TRPM3: variants seen among roughly 807,000 people sequenced by gnomAD.
The protein encoded by TRPM3 is transient receptor potential cation channel subfamily M member 3.
Under a neutral mutation model 181.2 loss-of-function variants are expected in TRPM3, and 77 were observed. The ratio of observed to expected loss-of-function variants is 0.42; its 90% CI spans 0.35 to 0.51. The LOEUF (loss-of-function observed/expected upper bound fraction) is 0.51. TRPM3 is among the 20% of genes least tolerant of loss of function. The pLI is 0.01. For missense variants in TRPM3, 1,759 were observed against 2,196.7 expected (o/e 0.80, Z 3.98); for synonymous variants, 745 against 796.4 (o/e 0.94, Z 1.09).
intron 9 of TRPM3, among the ~76,000 whole-genome samples, chr9:70,648,814 C>T (rs1279724232): frequency 1.3e-5 from 2 of 152,076 alleles, no homozygotes; most frequent in African/African-American, 2.4e-5. Flanking sequence ...AAACTGGACC[C>T]CTTCGTTTCA....
intron 1 of TRPM3, among the ~76,000 whole-genome samples, chr9:71,408,015 T>G (rs2093470255): frequency 1.3e-5 from 2 of 152,224 alleles, no homozygotes; most frequent in African/African-American, 4.8e-5. Context: ...TGGTCCTGAC[T>G]GTTAGAAGGA....
chr9:70,794,917 C>T (rs1348157136), intron 6 of TRPM3, among the ~76,000 whole-genome samples: 1 of 152,136 alleles, frequency 6.6e-6, no homozygotes, highest in Non-Finnish European at 1.5e-5. Flanking sequence ...ACATCTGTGG[C>T]CTCAACTAAC....
intron 21 of TRPM3, among the ~76,000 whole-genome samples, chr9:70,593,373 T>C (rs1239625841): frequency 6.6e-6 from 1 of 152,222 alleles, no homozygotes; most frequent in Non-Finnish European, 1.5e-5. Context: ...TCATCATTTA[T>C]TTACAAAAAG....
At chr9:70,747,777 A>T (rs1038109874) in intron 8 of TRPM3, among the ~76,000 whole-genome samples, 11 of 152,002 alleles carry the variant, frequency 7.2e-5, no homozygotes, top group Non-Finnish European at 1.5e-4. Flanking sequence ...CAACCCCTGC[A>T]GTGTGTAGGA....
intron 1 of TRPM3, among the ~76,000 whole-genome samples, chr9:71,154,372 C>T (rs73647953): frequency 0.038 from 5,717 of 152,112 alleles, 364 homozygotes; most frequent in African/African-American, 0.13. Flanking sequence ...AGCTAGGAGG[C>T]AAGTCTTTTT....
intron 7 of TRPM3, chr9:70,776,599 T>A: frequency 1.8e-6 from 1 of 552,958 alleles, no homozygotes; most frequent in Non-Finnish European, 3.2e-6. Context: ...CCTGTCAAAA[T>A]GAGTATTTTT....
chr9:70,876,654 C>T (rs1352843763), intron 1 of TRPM3, among the ~76,000 whole-genome samples: 1 of 151,840 alleles, frequency 6.6e-6, no homozygotes, highest in Non-Finnish European at 1.5e-5. Context: ...CCATCTCACC[C>T]TTACACTCAT....
Position 70,846,565 on chromosome 9 carries a change from T to A in TRPM3, c.489A>T (p.Lys163Asn), listed in dbSNP as rs2132074632. Reference protein sequence around the residue: ...AMYVRVSFDTKPDLLLHLMTK... With the variant: ...AMYVRVSFDTNPDLLLHLMTK... ...TCATCAGGTGTAAGAGGAGATCAGG[T>A]TTTGTATCAAAAGATACTCGCACAT... The change falls in exon 4 of 26, where the codon AAA (lysine) becomes AAT (asparagine). Residue 163 changes from lysine (K) to asparagine (N), a missense_variant. By Grantham distance (94) the Lys-to-Asn change is moderately conservative. Around this residue, in one of 8 missense-constraint regions of TRPM3, gnomAD observed 737 missense variants for 957.4 expected, o/e 0.77. Coordinates refer to ENST00000677713, the MANE Select transcript of TRPM3 (RefSeq NM_001366145.2). 1 of 1,614,080 alleles carries A rather than the reference T, an allele frequency of 6.2e-7. No homozygotes were observed. Among genetic ancestry groups the A allele is most frequent in the East Asian group, 2.2e-5 (1 of 44,880 alleles).
chr9:70,650,726 C>A (rs545792758), intron 9 of TRPM3, among the ~76,000 whole-genome samples: 1 of 151,980 alleles, frequency 6.6e-6, no homozygotes, highest in African/African-American at 2.4e-5. Context: ...CATTTCTATC[C>A]TCTGTGTCCT....
chr9:70,610,793 G>C (rs1411371918), intron 18 of TRPM3, 44 bp from the exon 19 acceptor site: 1 of 1,607,366 alleles, frequency 6.2e-7, no homozygotes, highest in Non-Finnish European at 8.5e-7. Flanking sequence ...GGGCTCTGGA[G>C]AGCATGTTGT....
At chr9:70,585,468 G>T (rs896626708) in intron 22 of TRPM3, among the ~76,000 whole-genome samples, 5 of 151,946 alleles carry the variant, frequency 3.3e-5, no homozygotes, top group African/African-American at 1.2e-4. Flanking sequence ...CTTCTTCATG[G>T]TTTTCCTGGA....
At chr9:70,585,508 A>G (rs1294884487) in intron 22 of TRPM3, among the ~76,000 whole-genome samples, 1 of 151,928 alleles carries the variant, frequency 6.6e-6, no homozygotes, top group Non-Finnish European at 1.5e-5. Flanking sequence ...ACTCAATTCA[A>G]TCCTGACAGA....
intron 9 of TRPM3, among the ~76,000 whole-genome samples, chr9:70,679,689 G>C (rs1488531534): frequency 1.3e-5 from 2 of 152,098 alleles, no homozygotes; most frequent in African/African-American, 4.8e-5. Flanking sequence ...TTATAAAATA[G>C]AGCCTGTAAA....
At chr9:71,095,068 A>G (rs145196181) in intron 1 of TRPM3, among the ~76,000 whole-genome samples, 214 of 152,290 alleles carry the variant, frequency 1.4e-3, no homozygotes, top group African/African-American at 4.5e-3. Context: ...ACAGATGACT[A>G]TCTACAAAAT....
chr9:71,274,116 C>T (rs149962070), intron 1 of TRPM3, among the ~76,000 whole-genome samples: 4 of 152,292 alleles, frequency 2.6e-5, no homozygotes, highest in African/African-American at 9.6e-5. Flanking sequence ...TTAGTTCATC[C>T]ATGCTCCAGG....
At chr9:71,086,975 T>G (rs1285844693) in intron 1 of TRPM3, among the ~76,000 whole-genome samples, 2 of 151,976 alleles carry the variant, frequency 1.3e-5, no homozygotes, top group Non-Finnish European at 2.9e-5. Flanking sequence ...AGCATTTTAT[T>G]TCCTTATGAA....
chr9:71,083,432 C>T (rs896927909), intron 1 of TRPM3, among the ~76,000 whole-genome samples: 2 of 152,000 alleles, frequency 1.3e-5, no homozygotes, highest in Non-Finnish European at 2.9e-5. Context: ...GAAGCCAGTC[C>T]TCTTCCCGAT....
At chr9:71,216,825 G>A (rs1441184792) in intron 1 of TRPM3, among the ~76,000 whole-genome samples, 1 of 151,374 alleles carries the variant, frequency 6.6e-6, no homozygotes. Flanking sequence ...ATCATCCCTA[G>A]GTAAACAGCA....
intron 1 of TRPM3, among the ~76,000 whole-genome samples, chr9:71,364,784 A>G (rs1412591880): frequency 6.6e-6 from 1 of 152,228 alleles, no homozygotes; most frequent in Non-Finnish European, 1.5e-5. Flanking sequence ...GAAAGTAATG[A>G]CAGAGAAGTC....
Sources: allele counts gnomAD v4.1 joint callset (sites outside exome capture counted in the v4.1 genomes callset), GRCh38; gene constraint gnomAD v4.1.1; regional missense constraint gnomAD v4.1.1; transcripts MANE v1.5; gene names NCBI Gene and HGNC (gene_info 2026-07-23, HGNC 2026-07-21).